Variants in CENPP observed in about 807,000 individuals in gnomAD.
CENPP encodes the protein centromere protein P.
CENPP carries 24 observed loss-of-function variants against 35.6 expected under a neutral mutation model. The ratio of observed to expected loss-of-function variants is 0.67; its 90% CI spans 0.49 to 0.95. CENPP has a LOEUF of 0.95. CENPP is among the 40% of genes least tolerant of loss of function. The probability of loss-of-function intolerance (pLI) is 0.00; values close to 1 mark genes in which losing one functional copy is unlikely to be tolerated. For synonymous variants in CENPP, 120 were observed against 125.5 expected, an observed-to-expected ratio of 0.96 and a Z score of 0.29; for missense variants, 332 against 345.3, an observed-to-expected ratio of 0.96 and a Z score of 0.31.
chr9:92,595,597 G>A (rs996772618), intron 5 of CENPP, among the ~76,000 whole-genome samples: 33 of 149,870 alleles, frequency 2.2e-4, no homozygotes, highest in African/African-American at 4.2e-4. Context: ...ATGGAGTCTC[G>A]CTCTGTCGCC....
chr9:92,552,107 T>TATATATGTGATATGATAGATCTATC (rs1267965261), intron 5 of CENPP, among the ~76,000 whole-genome samples: 444 of 116,486 alleles, frequency 3.8e-3, no homozygotes, highest in South Asian at 0.013. Flanking sequence ...AGATCTATCA[T>TATATATGTGATATGATAGATCTATC]ATATATGTGA....
intron 5 of CENPP, among the ~76,000 whole-genome samples, chr9:92,538,009 G>A (rs1446479128): frequency 1.3e-5 from 2 of 152,160 alleles, no homozygotes; most frequent in Non-Finnish European, 2.9e-5. Context: ...CCAGTGTGTA[G>A]GGAAAACAGA....
At chr9:92,596,957 T>A (rs1850799952) in intron 5 of CENPP, among the ~76,000 whole-genome samples, 1 of 152,144 alleles carries the variant, frequency 6.6e-6, no homozygotes, top group African/African-American at 2.4e-5. Context: ...TAGGGGCAAT[T>A]ATGTTTCCCA....
chr9:92,521,026 G>A (rs963633861), intron 5 of CENPP, among the ~76,000 whole-genome samples: 4 of 152,296 alleles, frequency 2.6e-5, no homozygotes, highest in East Asian at 3.9e-4. Context: ...ACAAGATAGT[G>A]GTGATGGTTG....
chr9:92,431,117 A>C (rs535988175), intron 5 of CENPP, among the ~76,000 whole-genome samples: 1 of 152,216 alleles, frequency 6.6e-6, no homozygotes, highest in African/African-American at 2.4e-5. Flanking sequence ...TTAAATTTAA[A>C]AAATTTTTTT....
chr9:92,419,461 C>T (rs534767747), intron 5 of CENPP, among the ~76,000 whole-genome samples: 80 of 151,966 alleles, frequency 5.3e-4, no homozygotes, highest in Non-Finnish European at 9.3e-4. Context: ...CCACCACACC[C>T]GGCTAATTTT....
chr9:92,393,975 G>GTTTC (rs1254718125), intron 5 of CENPP, among the ~76,000 whole-genome samples: 2 of 152,020 alleles, frequency 1.3e-5, no homozygotes, highest in Non-Finnish European at 2.9e-5. Context: ...TATTTGCCAT[G>GTTTC]TTTCTCACTG....
intron 5 of CENPP, among the ~76,000 whole-genome samples, chr9:92,591,158 G>A (rs992854313): frequency 2.0e-5 from 3 of 152,054 alleles, no homozygotes; most frequent in Admixed American, 6.6e-5. Context: ...GGTGGCTCAC[G>A]CCTGTAATCC....
chr9:92,351,258 A>T (rs1314006687), intron 4 of CENPP, among the ~76,000 whole-genome samples: 1 of 152,124 alleles, frequency 6.6e-6, no homozygotes, highest in East Asian at 1.9e-4. Context: ...TGGGAGGCTG[A>T]GGCGGGTGGA....
At chr9:92,333,132 G>A (rs1003427188) in intron 2 of CENPP, among the ~76,000 whole-genome samples, 1 of 152,168 alleles carries the variant, frequency 6.6e-6, no homozygotes, top group African/African-American at 2.4e-5. Context: ...GATCTGTGAT[G>A]CACTAAGAGA....
chr9:92,472,372 A>C (rs193201527), intron 5 of CENPP, among the ~76,000 whole-genome samples: 8 of 151,004 alleles, frequency 5.3e-5, no homozygotes, highest in African/African-American at 1.7e-4. Context: ...TAAAAATAAA[A>C]AAATAGGCTG....
intron 5 of CENPP, among the ~76,000 whole-genome samples, chr9:92,606,388 G>A (rs916109882): frequency 1.3e-5 from 2 of 152,200 alleles, no homozygotes; most frequent in African/African-American, 4.8e-5. Context: ...TGGCCAAAGT[G>A]TTGATGGGGC....
At chr9:92,348,227 A>G (rs562536834) in intron 4 of CENPP, among the ~76,000 whole-genome samples, 1 of 150,154 alleles carries the variant, frequency 6.7e-6, no homozygotes, top group Admixed American at 6.7e-5. Context: ...CCAAAGTGCC[A>G]GGATTACAGG....
At chr9:92,327,357 T>C (rs1840583042) in intron 1 of CENPP, among the ~76,000 whole-genome samples, 1 of 152,088 alleles carries the variant, frequency 6.6e-6, no homozygotes, top group African/African-American at 2.4e-5. Context: ...GGAAGCATAG[T>C]CTCAGGCAAA....
intron 5 of CENPP, among the ~76,000 whole-genome samples, chr9:92,413,958 T>C (rs995049853): frequency 6.6e-6 from 1 of 152,210 alleles, no homozygotes; most frequent in Non-Finnish European, 1.5e-5. Context: ...GACTTGTCTG[T>C]CTGTTGCATA....
chr9:92,466,442 A>G, intron 5 of CENPP: 1 of 1,610,328 alleles, frequency 6.2e-7, no homozygotes, highest in Non-Finnish European at 8.5e-7. Context: ...AGTTCTGCTA[A>G]TGATTTGGGA....
At chr9:92,612,475 C>T (rs369576472) in intron 6 of CENPP, 48 bp from the exon 7 acceptor site, 25 of 1,451,572 alleles carry the variant, frequency 1.7e-5, no homozygotes, top group Middle Eastern at 1.7e-4. Flanking sequence ...CTAATCTTTT[C>T]GCCAGATTTC....
intron 5 of CENPP, among the ~76,000 whole-genome samples, chr9:92,494,968 T>C (rs1171017309): frequency 6.6e-6 from 1 of 152,184 alleles, no homozygotes; most frequent in Non-Finnish European, 1.5e-5. Context: ...AAACTGAAAG[T>C]CACCCATGAA....
chr9:92,388,309 C>T (rs980749543), intron 5 of CENPP, among the ~76,000 whole-genome samples: 4 of 151,548 alleles, frequency 2.6e-5, no homozygotes, highest in Admixed American at 2.0e-4. Context: ...CTACAGGCGC[C>T]CACCACCACG....
Sources: allele counts gnomAD v4.1 joint callset (sites outside exome capture counted in the v4.1 genomes callset), GRCh38; gene constraint gnomAD v4.1.1; transcripts MANE v1.5; gene names NCBI Gene and HGNC (gene_info 2026-07-23, HGNC 2026-07-21).